The following FYN variants were observed in gnomAD, a reference collection of about 807,000 sequenced individuals.
FYN encodes the protein FYN proto-oncogene, Src family tyrosine kinase.
A neutral mutation model predicts 70.2 loss-of-function variants in FYN; 10 were observed. That is an observed-to-expected ratio of 0.14 (90% CI 0.09 to 0.24). The LOEUF (loss-of-function observed/expected upper bound fraction) is 0.24, where lower values mean the gene tolerates loss of function less well. Ranked by LOEUF, FYN falls within the 10% of genes least tolerant of loss-of-function variation. The pLI, the probability that FYN is intolerant of heterozygous loss-of-function variation, is 1.00. For missense variants in FYN, 319 were observed against 673.1 expected, an observed-to-expected ratio of 0.47 and a Z score of 5.82; for synonymous variants, 236 against 248.6, an observed-to-expected ratio of 0.95 and a Z score of 0.48.
At chr6:111,712,630 G>A (rs1027982636) in intron 5 of FYN, among the ~76,000 whole-genome samples, 14 of 152,178 alleles carry the variant, frequency 9.2e-5, no homozygotes, top group African/African-American at 2.9e-4. Flanking sequence ...AAACGATGAC[G>A]TCGATGCATA....
chr6:111,751,465 A>C (rs1374166170), intron 3 of FYN, among the ~76,000 whole-genome samples: 3 of 150,568 alleles, frequency 2.0e-5, no homozygotes, highest in South Asian at 2.1e-4. Flanking sequence ...AACAACAAAA[A>C]CCCCCCAAAA....
chr6:111,741,143 T>A (rs1292629165), intron 3 of FYN: 1 of 152,090 alleles, frequency 6.6e-6, no homozygotes, highest in Admixed American at 6.6e-5. Context: ...TGGTATCAGA[T>A]CTTAATTGCC....
At chr6:111,719,048 T>G (rs1350889426) in intron 4 of FYN, among the ~76,000 whole-genome samples, 1 of 152,198 alleles carries the variant, frequency 6.6e-6, no homozygotes, top group East Asian at 1.9e-4. Flanking sequence ...TGCTGCCAGA[T>G]GAACTGAGAG....
chr6:111,677,610 C>CCTGCTGCAGGG (rs1467778515), intron 12 of FYN, among the ~76,000 whole-genome samples: 1 of 152,168 alleles, frequency 6.6e-6, no homozygotes, highest in Non-Finnish European at 1.5e-5. Context: ...CACAGATGTC[C>CCTGCTGCAGGG]CTGCTGCAGG....
chr6:111,765,364 G>T (rs1209425210), intron 3 of FYN, among the ~76,000 whole-genome samples: 1 of 152,118 alleles, frequency 6.6e-6, no homozygotes, highest in East Asian at 1.9e-4. Flanking sequence ...ATAGGAAGGG[G>T]AAGAGACAGC....
At chr6:111,696,769 G>A (rs1466321709) in intron 9 of FYN, 12 of 209,014 alleles carry the variant, frequency 5.7e-5, no homozygotes. Context: ...CAAAAGCTCT[G>A]CACCATACAG....
chr6:111,679,733 T>C (rs1159126475), intron 12 of FYN, among the ~76,000 whole-genome samples: 1 of 152,134 alleles, frequency 6.6e-6, no homozygotes, highest in Non-Finnish European at 1.5e-5. Flanking sequence ...AGCCACACAC[T>C]AATGAAACTT....
At chr6:111,842,817 G>A (rs1773405716) in intron 2 of FYN, among the ~76,000 whole-genome samples, 1 of 152,096 alleles carries the variant, frequency 6.6e-6, no homozygotes, top group African/African-American at 2.4e-5. Flanking sequence ...GAATCTAGGA[G>A]GTTTTTTATC....
At position 111,730,030 on chromosome 6, in the gene FYN, C is replaced by T. The variant is rs561738871; in HGVS notation, c.-11-9968G>A. Among the ~76,000 whole-genome samples, 4 of 152,202 alleles carry T rather than the reference C, an allele frequency of 2.6e-5. No individual in the cohort carries two copies. In the East Asian group the frequency reaches 7.7e-4, roughly 29 times the overall value. On this transcript the variant is annotated intron_variant, in intron 3 of 13. Coordinates refer to ENST00000354650, the MANE Select transcript of FYN (RefSeq NM_002037.5). ...ACATTGATGAAGTATACTTTGTCAA[C>T]TGAAAAATTAAGAGGGAGAGACTGA... is the stretch of plus-strand genomic sequence containing the variant.
At chr6:111,797,689 T>C (rs1412512960) in intron 2 of FYN, among the ~76,000 whole-genome samples, 1 of 75,266 alleles carries the variant, frequency 1.3e-5, no homozygotes, top group Non-Finnish European at 2.2e-5. Context: ...TATATATATA[T>C]ATATATATAT....
intron 13 of FYN, among the ~76,000 whole-genome samples, chr6:111,662,683 T>C (rs1797809428): frequency 6.6e-6 from 1 of 152,266 alleles, no homozygotes; most frequent in Non-Finnish European, 1.5e-5. Flanking sequence ...ATAGCATTTA[T>C]AAACTCCATT....
At chr6:111,756,005 A>G (rs1583411392) in intron 3 of FYN, among the ~76,000 whole-genome samples, 1 of 152,264 alleles carries the variant, frequency 6.6e-6, no homozygotes, top group African/African-American at 2.4e-5. Context: ...AGAAGAAAAT[A>G]ATAAAGGGTA....
chr6:111,696,715 ACTCT>A lies in FYN; in HGVS notation c.863-263_863-260del, dbSNP rs575171140. 6 of 324,346 alleles carry A rather than the reference ACTCT, an allele frequency of 1.8e-5. 1 individual carries two copies. In the South Asian group the frequency reaches 2.0e-4, roughly 11 times the overall value. The allele number at this position is 324,346 out of a possible 1,614,324, so 20.1% of individuals were successfully genotyped here. A position where few individuals can be genotyped will look rare whatever the true frequency, so the allele number is the denominator to read the frequency against. The stretch of plus-strand genomic sequence containing the variant: ...TTTTTTTAAATTTTGATATATTACC[ACTCT>A]CTCTTTTTTTGGCTCAGTCATATGA... On this transcript the variant is annotated intron_variant, in intron 9 of 13. Transcript: ENST00000354650.
chr6:111,725,870 G>A (rs187626032), intron 3 of FYN, among the ~76,000 whole-genome samples: 189 of 152,256 alleles, frequency 1.2e-3, no homozygotes, highest in African/African-American at 4.3e-3. Context: ...CTCCATCATC[G>A]GGTTGTTATT....
intron 3 of FYN, among the ~76,000 whole-genome samples, chr6:111,744,549 C>T (rs1218145990): frequency 2.0e-5 from 3 of 152,264 alleles, no homozygotes; most frequent in Admixed American, 2.0e-4. Flanking sequence ...TTTGATCTTT[C>T]CTGGGAACTT....
intron 3 of FYN, among the ~76,000 whole-genome samples, chr6:111,757,008 G>A (rs947947002): frequency 4.0e-5 from 6 of 151,056 alleles, no homozygotes; most frequent in Admixed American, 2.6e-4. Context: ...CAGAGTGGTA[G>A]GAAAAGAAAA....
At chr6:111,790,208 A>G (rs983387804) in intron 2 of FYN, among the ~76,000 whole-genome samples, 1 of 151,198 alleles carries the variant, frequency 6.6e-6, no homozygotes, top group African/African-American at 2.4e-5. Context: ...ATTTCAAAAA[A>G]AAATTCTTTT....
intron 3 of FYN, among the ~76,000 whole-genome samples, chr6:111,740,069 A>AC (rs11393493): frequency 0.46 from 69,835 of 151,618 alleles, 16,298 homozygotes; most frequent in East Asian, 0.62. Flanking sequence ...TGATCCACCC[A>AC]CTCGGTCTCC....
chr6:111,771,029 T>C (rs1216152038), intron 3 of FYN, among the ~76,000 whole-genome samples: 1 of 152,164 alleles, frequency 6.6e-6, no homozygotes, highest in Non-Finnish European at 1.5e-5. Context: ...ACCAAATTCT[T>C]GCATGATGAA....
Sources: allele counts gnomAD v4.1 joint callset (sites outside exome capture counted in the v4.1 genomes callset), GRCh38; gene constraint gnomAD v4.1.1; transcripts MANE v1.5; gene names NCBI Gene and HGNC (gene_info 2026-07-23, HGNC 2026-07-21).